The following VSTM5 variants were observed in gnomAD, a reference collection of about 807,000 sequenced individuals.
VSTM5 encodes V-set and transmembrane domain-containing protein 5.
In VSTM5, 21 loss-of-function variants were observed where a neutral mutation model predicts 20.3. That is an observed-to-expected ratio of 1.03 (90% CI 0.73 to 1.49). The LOEUF is 1.49. Ranked by LOEUF, VSTM5 falls within the 40% of genes most tolerant of loss-of-function variation. The pLI is 0.00. For missense variants in VSTM5, 219 were observed against 250.0 expected (o/e 0.88, Z 0.84); for synonymous variants, 100 against 102.5 (o/e 0.98, Z 0.14).
rs375637303 is a variant in VSTM5, at chr11:93,835,367, GA to G, written c.92-14045del. ...GAGTCCAAGAGTTTCAGGCTTCAGT[GA>G]GCTATGACTGCATCACTGCTCTGAA... On this transcript the variant is annotated intron_variant, in intron 1 of 3. Coordinates refer to ENST00000409977, the MANE Select transcript of VSTM5 (RefSeq NM_001144871.2). Among the ~76,000 whole-genome samples the G allele has an allele frequency of 2.4e-4, 37 of 152,216 alleles. No individual in the cohort carries two copies. The East Asian group carries it at 6.8e-3, about 28-fold the overall frequency.
At chr11:93,828,629 T>C (rs1944257066) in intron 1 of VSTM5, among the ~76,000 whole-genome samples, 1 of 152,186 alleles carries the variant, frequency 6.6e-6, no homozygotes, top group Non-Finnish European at 1.5e-5. Context: ...TTTAAGGAGT[T>C]ATAGAGTTAA....
chr11:93,850,327 G>T (rs112543723), intron 1 of VSTM5, 85 bp downstream of exon 1: 11 of 1,226,424 alleles, frequency 9.0e-6, no homozygotes, highest in Non-Finnish European at 1.2e-5. Context: ...GGGCCAGGGG[G>T]GCCGCTGCTA....
At chr11:93,834,202 GT>G (rs1419253067) in intron 1 of VSTM5, among the ~76,000 whole-genome samples, 2 of 152,136 alleles carry the variant, frequency 1.3e-5, no homozygotes, top group African/African-American at 4.8e-5. Flanking sequence ...AAAGCACACT[GT>G]TTCTAGGATA....
At chr11:93,842,835 C>G (rs1296033572) in intron 1 of VSTM5, among the ~76,000 whole-genome samples, 2 of 152,224 alleles carry the variant, frequency 1.3e-5, no homozygotes, top group Non-Finnish European at 2.9e-5. Context: ...GGGACAGCGG[C>G]TCATGCCTGT....
At chr11:93,837,011 G>GCACACACACA (rs59949447) in intron 1 of VSTM5, among the ~76,000 whole-genome samples, 2,848 of 140,802 alleles carry the variant, frequency 0.02, 83 homozygotes, top group African/African-American at 0.052. Flanking sequence ...AAAAAAAAAT[G>GCACACACACA]CACACACACA....
intron 1 of VSTM5, among the ~76,000 whole-genome samples, chr11:93,829,372 C>A (rs1372214747): frequency 6.6e-6 from 1 of 151,896 alleles, no homozygotes; most frequent in African/African-American, 2.4e-5. Flanking sequence ...ACTGAAAATA[C>A]AAAAAATTAG....
intron 1 of VSTM5, among the ~76,000 whole-genome samples, chr11:93,838,214 G>A (rs543813099): frequency 6.6e-6 from 1 of 152,300 alleles, no homozygotes; most frequent in African/African-American, 2.4e-5. Context: ...GCTCACGCCT[G>A]TAATCCCAGC....
At chr11:93,833,253 T>C (rs1194549861) in intron 1 of VSTM5, among the ~76,000 whole-genome samples, 2 of 152,256 alleles carry the variant, frequency 1.3e-5, no homozygotes, top group Non-Finnish European at 2.9e-5. Context: ...TGTTTCTTTT[T>C]ATATTTTTAA....
At chr11:93,836,562 C>CCCTT (rs138279558) in intron 1 of VSTM5, among the ~76,000 whole-genome samples, 6,412 of 152,322 alleles carry the variant, frequency 0.042, 423 homozygotes, top group African/African-American at 0.15. Flanking sequence ...CCTGCTCCCT[C>CCCTT]GTTTGCCTGT....
chr11:93,827,567 T>G (rs1278854454), intron 1 of VSTM5: 1 of 152,172 alleles, frequency 6.6e-6, no homozygotes, highest in African/African-American at 2.4e-5. Flanking sequence ...CTGGCTCAAG[T>G]GCTCTATTCA....
At chr11:93,849,887 C>A (rs1944444477) in intron 1 of VSTM5, among the ~76,000 whole-genome samples, 2 of 152,200 alleles carry the variant, frequency 1.3e-5, no homozygotes, top group East Asian at 3.9e-4. Context: ...AACCCAAACC[C>A]CAGAACCGTT....
intron 1 of VSTM5, among the ~76,000 whole-genome samples, chr11:93,847,983 A>T (rs1944427543): frequency 6.6e-6 from 1 of 152,150 alleles, no homozygotes; most frequent in African/African-American, 2.4e-5. Flanking sequence ...TCTTATAAGG[A>T]CACTAATCCC....
chr11:93,822,828 A>G (rs1944200785), intron 1 of VSTM5, among the ~76,000 whole-genome samples: 1 of 152,166 alleles, frequency 6.6e-6, no homozygotes, highest in African/African-American at 2.4e-5. Context: ...TCACGTATCT[A>G]TGTTTCCTGA....
rs117658160 is a variant in VSTM5 at position 93,832,268 on chromosome 11, A to G, written c.92-10945T>C. Among the ~76,000 whole-genome samples, 1,257 of 152,366 alleles carry G rather than the reference A, an allele frequency of 8.2e-3. 11 individuals carry two copies. The highest frequency in any genetic ancestry group is 0.017 in the Middle Eastern group (5 of 294). On this transcript the variant is annotated intron_variant, in intron 1 of 3. Transcript: ENST00000409977. ...AATCTATATGTGTTGACATTAGATG[A>G]TCTCAAAAATAATGAAAAAAGTAGA...
chr11:93,825,555 G>T (rs189784011), intron 1 of VSTM5, among the ~76,000 whole-genome samples: 7 of 152,250 alleles, frequency 4.6e-5, no homozygotes, highest in Non-Finnish European at 1.0e-4. Flanking sequence ...TAATATGGAC[G>T]TTTTAACGAT....
chr11:93,841,861 A>G (rs1219552762), intron 1 of VSTM5, among the ~76,000 whole-genome samples: 1 of 152,220 alleles, frequency 6.6e-6, no homozygotes, highest in Non-Finnish European at 1.5e-5. Flanking sequence ...GAAAGGACAC[A>G]GGTTCTGGTG....
At chr11:93,844,700 C>T (rs1041212606) in intron 1 of VSTM5, among the ~76,000 whole-genome samples, 7 of 152,278 alleles carry the variant, frequency 4.6e-5, no homozygotes, top group Admixed American at 2.0e-4. Flanking sequence ...CTACCTCCTA[C>T]GTTGCCATCA....
rs572020907 is a variant in VSTM5 at position 93,826,708 on chromosome 11, T to G, written c.92-5385A>C. Among the ~76,000 whole-genome samples the G allele has an allele frequency of 2.0e-5, 3 of 152,286 alleles. 1 individual carries two copies. In the East Asian group the frequency reaches 5.8e-4, roughly 29 times the overall value. ...GCCACCGTGCCCAGCCCGACATCTT[T>G]TTTCTTAATGTAAGCATTTATAGTT... On this transcript the variant is annotated intron_variant, in intron 1 of 3. Transcript: ENST00000409977.
chr11:93,820,934 G>A (rs1944177456), intron 2 of VSTM5, 51 bp from the exon 3 acceptor site: 13 of 1,550,480 alleles, frequency 8.4e-6, no homozygotes, highest in African/African-American at 1.4e-5. Context: ...TTTTAATATC[G>A]TGAAATTGGC....
Sources: gnomAD v4.1 joint callset for allele counts (sites outside exome capture counted in the v4.1 genomes callset) on GRCh38, gnomAD v4.1.1 for gene constraint, MANE v1.5 for transcripts, NCBI Gene and HGNC (gene_info 2026-07-23, HGNC 2026-07-21) for gene names.